Variants in MRTFA observed in about 807,000 individuals in gnomAD.
The protein encoded by MRTFA is myocardin-related transcription factor A.
Under a neutral mutation model 83.5 loss-of-function variants are expected in MRTFA, and 20 were observed. That is an observed-to-expected ratio of 0.24 (90% confidence interval 0.17 to 0.35). MRTFA has a LOEUF of 0.35. MRTFA is among the 10% of genes least tolerant of loss of function. The probability of loss-of-function intolerance (pLI) is 1.00; values close to 1 mark genes in which losing one functional copy is unlikely to be tolerated. For missense variants in MRTFA, 1,200 were observed against 1,224.7 expected, an observed-to-expected ratio of 0.98 and a Z score of 0.30; for synonymous variants, 659 against 541.2, an observed-to-expected ratio of 1.22 and a Z score of -3.02.
chr22:40,431,578 C>A, intron 5 of MRTFA, 98 bp from the exon 6 acceptor site: 1 of 1,123,256 alleles, frequency 8.9e-7, no homozygotes, highest in Non-Finnish European at 1.3e-6. Context: ...TAGCTGCTGA[C>A]CACCTCTGCA....
At chr22:40,431,731 A>G (rs973958590) in intron 5 of MRTFA, among the ~76,000 whole-genome samples, 1 of 152,192 alleles carries the variant, frequency 6.6e-6, no homozygotes, top group African/African-American at 2.4e-5. Flanking sequence ...GACTGACAAT[A>G]TATCTATTAA....
intron 3 of MRTFA, among the ~76,000 whole-genome samples, chr22:40,550,048 CAA>C (rs3044559): frequency 1.5e-5 from 2 of 130,320 alleles, no homozygotes; most frequent in Non-Finnish European, 1.6e-5. Flanking sequence ...GACTCTGTTG[CAA>C]AAAAAAAAAA....
Position 40,410,320 on chromosome 22 carries a change from C to A in MRTFA, c.*1070G>T. The A allele has an allele frequency of 2.7e-6, 1 of 364,572 alleles. No individual in the cohort carries two copies. The highest frequency in any genetic ancestry group is 4.2e-6 in the Non-Finnish European group (1 of 239,454). 22.6% of individuals were successfully genotyped at this position (364,572 alleles called of 1,614,324 possible). ...TTTTGTGTTTATTTTAAAAAGTTCACACACCTTCCCCATCTTTGTCCCAGC... is the reference window on the plus strand; with the variant it reads ...TTTTGTGTTTATTTTAAAAAGTTCAAACACCTTCCCCATCTTTGTCCCAGC... On this transcript the variant is annotated 3_prime_UTR_variant, in exon 15 of 15. Coordinates refer to ENST00000355630, the MANE Select transcript of MRTFA (RefSeq NM_020831.6).
chr22:40,605,424 C>A (rs896778539), intron 1 of MRTFA, among the ~76,000 whole-genome samples: 1 of 152,090 alleles, frequency 6.6e-6, no homozygotes, highest in Non-Finnish European at 1.5e-5. Flanking sequence ...ACAGTGCAGC[C>A]GACTGAAGGG....
chr22:40,528,019 G>T (rs993795590), intron 3 of MRTFA, among the ~76,000 whole-genome samples: 1 of 152,078 alleles, frequency 6.6e-6, no homozygotes, highest in Non-Finnish European at 1.5e-5. Context: ...GTCACAGAAG[G>T]GGCAGGAAGA....
chr22:40,632,430 T>C (rs1435049700), intron 1 of MRTFA, among the ~76,000 whole-genome samples: 1 of 151,866 alleles, frequency 6.6e-6, no homozygotes, highest in East Asian at 1.9e-4. Context: ...ATTACAGGCA[T>C]GGGCTGCCAC....
At chr22:40,421,655 ACCT>A (rs2052842689) in intron 9 of MRTFA, among the ~76,000 whole-genome samples, 1 of 151,972 alleles carries the variant, frequency 6.6e-6, no homozygotes, top group East Asian at 1.9e-4. Flanking sequence ...GCCCCCAAAG[ACCT>A]CCAGCTGGCA....
chr22:40,461,202 C>T (rs2053704572), intron 4 of MRTFA, among the ~76,000 whole-genome samples: 1 of 68,282 alleles, frequency 1.5e-5, no homozygotes, highest in East Asian at 4.3e-4. Flanking sequence ...AAGAACTTGT[C>T]TCAAAAAAAA....
At chr22:40,587,448 G>T in intron 2 of MRTFA, 1 of 344,162 alleles carries the variant, frequency 2.9e-6, no homozygotes. Flanking sequence ...GCTCTCATTT[G>T]CTGAGAGGCA....
chr22:40,477,942 CAG>C, intron 3 of MRTFA, among the ~76,000 whole-genome samples: 1 of 151,906 alleles, frequency 6.6e-6, no homozygotes, highest in South Asian at 2.1e-4. Flanking sequence ...GAGCAAGCTT[CAG>C]AGAGAGGCAG....
At chr22:40,445,783 C>A (rs945560609) in intron 4 of MRTFA, among the ~76,000 whole-genome samples, 1 of 152,158 alleles carries the variant, frequency 6.6e-6, no homozygotes, top group African/African-American at 2.4e-5. Flanking sequence ...CTCCTCACCT[C>A]GTGATCCACC....
chr22:40,521,473 G>A (rs1286890460), intron 3 of MRTFA, among the ~76,000 whole-genome samples: 2 of 151,930 alleles, frequency 1.3e-5, no homozygotes, highest in East Asian at 3.9e-4. Flanking sequence ...AAGTTGCTGA[G>A]CAGTATCCCA....
chr22:40,417,169 G>T, intron 13 of MRTFA, 123 bp from the exon 14 acceptor site: 1 of 1,365,314 alleles, frequency 7.3e-7, no homozygotes. Flanking sequence ...GGACCCATGG[G>T]CGTGCCCGGA....
chr22:40,454,127 C>T (rs1200805086), intron 4 of MRTFA, among the ~76,000 whole-genome samples: 2 of 152,120 alleles, frequency 1.3e-5, no homozygotes, highest in African/African-American at 2.4e-5. Context: ...GAAAACAGTT[C>T]CTATTCCTTT....
chr22:40,634,480 T>C (rs566234430), intron 1 of MRTFA, among the ~76,000 whole-genome samples: 16 of 152,194 alleles, frequency 1.1e-4, no homozygotes, highest in Non-Finnish European at 1.0e-4. Flanking sequence ...GCCATTTTCT[T>C]TGAAGCCTTC....
rs374401091 is a variant in MRTFA, at chr22:40,438,534, C to T, written c.308-2980G>A. 2.0e-5 allele frequency among the ~76,000 whole-genome samples: 3 copies of T among 152,192 alleles called. No homozygotes were observed. In the East Asian group the frequency reaches 5.8e-4, roughly 29 times the overall value. On this transcript the variant is annotated intron_variant, in intron 4 of 14. Coordinates refer to ENST00000355630, the MANE Select transcript of MRTFA (RefSeq NM_020831.6). ...TCATCTTCATGTACAAAGGGTGGTG[C>T]ACCACTAGTGGAGGACAGGTGATAG...
chr22:40,460,177 G>C (rs1025427265), intron 4 of MRTFA, among the ~76,000 whole-genome samples: 1 of 151,892 alleles, frequency 6.6e-6, no homozygotes, highest in East Asian at 1.9e-4. Context: ...CACCCTCCTC[G>C]GCCTCCCAAA....
At chr22:40,603,801 G>A (rs1220339902) in intron 1 of MRTFA, among the ~76,000 whole-genome samples, 1 of 146,260 alleles carries the variant, frequency 6.8e-6, no homozygotes, top group Non-Finnish European at 1.5e-5. Context: ...TTATAGAGAT[G>A]AGGTCTCACT....
intron 3 of MRTFA, among the ~76,000 whole-genome samples, chr22:40,513,017 A>G (rs1285039064): frequency 1.3e-5 from 2 of 152,240 alleles, no homozygotes; most frequent in South Asian, 4.1e-4. Flanking sequence ...TAGAAAGCTT[A>G]AAGTAACAAA....
Sources: gnomAD v4.1 joint callset for allele counts (sites outside exome capture counted in the v4.1 genomes callset) on GRCh38, gnomAD v4.1.1 for gene constraint, MANE v1.5 for transcripts, NCBI Gene and HGNC (gene_info 2026-07-23, HGNC 2026-07-21) for gene names.